MXI1: variants seen among roughly 807,000 people sequenced by gnomAD.
MXI1 encodes MAX interactor 1, dimerization protein.
In MXI1, 18 loss-of-function variants were observed where a neutral mutation model predicts 36.9. That is an observed-to-expected ratio of 0.49 (90% CI 0.34 to 0.72). The LOEUF (loss-of-function observed/expected upper bound fraction) is 0.72, where lower values mean the gene tolerates loss of function less well. MXI1 is among the 30% of genes least tolerant of loss of function. MXI1 has a pLI of 0.01. For synonymous variants in MXI1, 160 were observed against 146.7 expected (o/e 1.09, Z -0.65); for missense variants, 304 against 379.1 (o/e 0.80, Z 1.64).
At chr10:110,238,776 GAGTC>G (rs1346780225) in intron 2 of MXI1, among the ~76,000 whole-genome samples, 2 of 151,980 alleles carry the variant, frequency 1.3e-5, no homozygotes, top group African/African-American at 4.8e-5. Context: ...GTTTCTTCTT[GAGTC>G]AGTTTTGATC....
At chr10:110,244,141 G>T (rs1470179408) in intron 2 of MXI1, among the ~76,000 whole-genome samples, 1 of 151,950 alleles carries the variant, frequency 6.6e-6, no homozygotes, top group Non-Finnish European at 1.5e-5. Flanking sequence ...TCAATAGAAG[G>T]TATCATTTAA....
intron 2 of MXI1, among the ~76,000 whole-genome samples, chr10:110,239,531 A>G (rs1324582668): frequency 6.6e-6 from 1 of 152,118 alleles, no homozygotes; most frequent in Non-Finnish European, 1.5e-5. Context: ...TGTTCCAAAT[A>G]TTGGGATTTT....
intron 2 of MXI1, among the ~76,000 whole-genome samples, chr10:110,231,367 C>CA (rs1359765629): frequency 1.3e-5 from 2 of 150,464 alleles, no homozygotes; most frequent in African/African-American, 4.9e-5. Flanking sequence ...AATCCACCCC[C>CA]CCCCCCTCAA....
intron 2 of MXI1, among the ~76,000 whole-genome samples, chr10:110,229,354 C>G (rs1397118179): frequency 6.6e-6 from 1 of 152,108 alleles, no homozygotes; most frequent in Non-Finnish European, 1.5e-5. Context: ...ACCAAATTTC[C>G]CTGAAGGCTT....
intron 3 of MXI1, among the ~76,000 whole-genome samples, chr10:110,278,928 AAAAT>A (rs991929079): frequency 1.6e-4 from 25 of 152,178 alleles, no homozygotes; most frequent in African/African-American, 5.1e-4. Flanking sequence ...GGTGAGTTAA[AAAAT>A]AAACCATCTT....
At chr10:110,213,001 A>G (rs1291267654) in intron 1 of MXI1, among the ~76,000 whole-genome samples, 1 of 152,168 alleles carries the variant, frequency 6.6e-6, no homozygotes, top group African/African-American at 2.4e-5. Context: ...AAATGTTTTG[A>G]TTGGTTAGAT....
At chr10:110,212,112 T>C (rs774909040) in intron 1 of MXI1, among the ~76,000 whole-genome samples, 7 of 152,186 alleles carry the variant, frequency 4.6e-5, no homozygotes, top group Non-Finnish European at 8.8e-5. Context: ...AGAAATGGGC[T>C]TCCTAGTGTC....
intron 1 of MXI1, among the ~76,000 whole-genome samples, chr10:110,223,176 T>C (rs1854861132): frequency 6.6e-6 from 1 of 152,248 alleles, no homozygotes; most frequent in African/African-American, 2.4e-5. Context: ...CTCTTGCATG[T>C]AGCCATCTCT....
At chr10:110,254,383 C>G (rs1448466884) in intron 3 of MXI1, among the ~76,000 whole-genome samples, 3 of 152,096 alleles carry the variant, frequency 2.0e-5, no homozygotes, top group Admixed American at 6.6e-5. Context: ...CTGGCTGTTG[C>G]CCCATCTCTC....
chr10:110,280,418 T>C lies in MXI1; in HGVS notation c.724+333T>C, dbSNP rs560255880. Among the ~76,000 whole-genome samples, 151 of 152,040 alleles carry C rather than the reference T, an allele frequency of 9.9e-4. No individual in the cohort carries two copies. In the Middle Eastern group the frequency reaches 0.014, roughly 14 times the overall value. On this transcript the variant is annotated intron_variant, in intron 5 of 5. Transcript: ENST00000332674. ...AAATGATGTTGTGCCCGGTGGCTCATGCCTGTAATCCCAGCACTCTGGGAG... is the reference window on the plus strand; with the variant it reads ...AAATGATGTTGTGCCCGGTGGCTCACGCCTGTAATCCCAGCACTCTGGGAG...
chr10:110,245,089 G>A (rs1855815162), intron 3 of MXI1, among the ~76,000 whole-genome samples: 2 of 152,058 alleles, frequency 1.3e-5, no homozygotes, highest in African/African-American at 4.8e-5. Flanking sequence ...TGAGTTTTAG[G>A]TATAGCCTTT....
chr10:110,248,506 T>G (rs144254741), intron 3 of MXI1, among the ~76,000 whole-genome samples: 413 of 152,294 alleles, frequency 2.7e-3, no homozygotes, highest in African/African-American at 9.8e-3. Context: ...AGCTGTGGCA[T>G]AGGTATAACA....
At chr10:110,211,228 T>A (rs1460541687) in intron 1 of MXI1, among the ~76,000 whole-genome samples, 1 of 152,164 alleles carries the variant, frequency 6.6e-6, no homozygotes. Context: ...TAGAGACACA[T>A]GGTTTCCACA....
At chr10:110,218,517 T>C (rs920567679) in intron 1 of MXI1, among the ~76,000 whole-genome samples, 1 of 151,836 alleles carries the variant, frequency 6.6e-6, no homozygotes, top group African/African-American at 2.4e-5. Context: ...TGAGGATGCC[T>C]CCCTGGAGCG....
Position 110,279,173 on chromosome 10 carries a change from T to G in MXI1, c.438-7T>G, listed in dbSNP as rs1408996824. The G allele has an allele frequency of 1.9e-6, 3 of 1,610,538 alleles. No individual in the cohort carries two copies. Among genetic ancestry groups the G allele is most frequent in the Non-Finnish European group, 2.5e-6 (3 of 1,176,990 alleles). On this transcript the variant is annotated splice_region_variant and splice_polypyrimidine_tract_variant and intron_variant, in intron 3 of 5. Transcript: ENST00000332674. ...ACTGTGCTGATTTGACTTTTTGTCT[T>G]TCTTAGACGAGCTCATCTGCGCCTT...
chr10:110,208,327 G>T, intron 1 of MXI1: 1 of 383,848 alleles, frequency 2.6e-6, no homozygotes. Context: ...GGCGGGCTGG[G>T]GCTGGGAGGA....
At chr10:110,230,494 A>C (rs1564710134) in intron 2 of MXI1, among the ~76,000 whole-genome samples, 2 of 151,784 alleles carry the variant, frequency 1.3e-5, no homozygotes, top group African/African-American at 4.8e-5. Flanking sequence ...AGTAGCAAGA[A>C]AGAGAGAGAG....
At chr10:110,263,427 A>T (rs1446945338) in intron 3 of MXI1, among the ~76,000 whole-genome samples, 1 of 152,208 alleles carries the variant, frequency 6.6e-6, no homozygotes, top group African/African-American at 2.4e-5. Flanking sequence ...CCTCTTTGCT[A>T]AAGTTGTACC....
At chr10:110,284,495 G>C (rs762650559) in intron 5 of MXI1, among the ~76,000 whole-genome samples, 1 of 152,214 alleles carries the variant, frequency 6.6e-6, no homozygotes, top group East Asian at 1.9e-4. Context: ...ATGCAAAACA[G>C]ATGTTTTTAA....
Sources: gnomAD v4.1 joint callset for allele counts (sites outside exome capture counted in the v4.1 genomes callset) on GRCh38, gnomAD v4.1.1 for gene constraint, MANE v1.5 for transcripts, NCBI Gene and HGNC (gene_info 2026-07-23, HGNC 2026-07-21) for gene names.